The following TMEM132D variants were observed in gnomAD, a reference collection of about 807,000 sequenced individuals.
The protein encoded by TMEM132D is transmembrane protein 132D, also known as mature OL transmembrane protein.
Under a neutral mutation model 62.3 loss-of-function variants are expected in TMEM132D, and 21 were observed. The ratio of observed to expected loss-of-function variants is 0.34; its 90% confidence interval spans 0.24 to 0.49. The LOEUF is 0.49. Among genes scored for constraint, TMEM132D ranks in the 20% least tolerant of loss-of-function variants. TMEM132D has a pLI of 0.99. For missense variants in TMEM132D, 1,346 were observed against 1,402.8 expected (o/e 0.96, Z 0.65); for synonymous variants, 621 against 575.6 (o/e 1.08, Z -1.13).
At chr12:129,622,490 G>T (rs531305995) in intron 2 of TMEM132D, among the ~76,000 whole-genome samples, 1 of 152,208 alleles carries the variant, frequency 6.6e-6, no homozygotes, top group South Asian at 2.1e-4. Context: ...CCAGCTGACC[G>T]ACTATATCCT....
rs1038675691 is a variant in TMEM132D at position 129,879,850 on chromosome 12, G to C, written c.79+23411C>G. ...AAGAAGACAACCAAGAAAACAAACG[G>C]AACAGAGCATTGAAGACCCTCTGAG... On this transcript the variant is annotated intron_variant, in intron 1 of 8. Coordinates refer to ENST00000422113, the MANE Select transcript of TMEM132D (RefSeq NM_133448.3). Among the ~76,000 whole-genome samples, 8 of 151,982 alleles carry C rather than the reference G, an allele frequency of 5.3e-5. No individual in the cohort carries two copies. In the East Asian group the frequency reaches 1.5e-3, roughly 29 times the overall value.
At chr12:129,244,385 C>CAAAAAAAAAAAAAA (rs751155633) in intron 4 of TMEM132D, among the ~76,000 whole-genome samples, 3 of 85,234 alleles carry the variant, frequency 3.5e-5, no homozygotes, top group Non-Finnish European at 4.9e-5. Context: ...GACTCTGTCT[C>CAAAAAAAAAAAAAA]AAAAAAAAAA....
At position 129,321,696 on chromosome 12, in the gene TMEM132D, C is replaced by T. The variant is rs186779045; in HGVS notation, c.1299+15938G>A. Reference sequence around the variant, plus strand: ...TTCAGCCTCCCCCGACTAGCTGGGACTACAGGCGCCCGCCACCACGCCCAG... The same window carrying T: ...TTCAGCCTCCCCCGACTAGCTGGGATTACAGGCGCCCGCCACCACGCCCAG... On this transcript the variant is annotated intron_variant, in intron 4 of 8. Coordinates refer to ENST00000422113, the MANE Select transcript of TMEM132D (RefSeq NM_133448.3). 3.2e-3 allele frequency among the ~76,000 whole-genome samples: 482 copies of T among 152,252 alleles called. 3 individuals carry two copies. Among genetic ancestry groups the T allele is most frequent in the African/African-American group, 0.011 (443 of 41,540 alleles).
chr12:129,737,677 T>C (rs1246784551), intron 1 of TMEM132D, among the ~76,000 whole-genome samples: 1 of 152,204 alleles, frequency 6.6e-6, no homozygotes, highest in Non-Finnish European at 1.5e-5. Flanking sequence ...CTGGCCCCTA[T>C]AAAATTTGAA....
At chr12:129,444,617 A>G (rs10773660) in intron 3 of TMEM132D, among the ~76,000 whole-genome samples, 62,214 of 151,638 alleles carry the variant, frequency 0.41, 14,920 homozygotes, top group East Asian at 0.79. Context: ...CCCCCTCCCC[A>G]CCCTCCTCTG....
At chr12:129,417,337 G>A (rs1593371488) in intron 3 of TMEM132D, among the ~76,000 whole-genome samples, 1 of 152,116 alleles carries the variant, frequency 6.6e-6, no homozygotes, top group Non-Finnish European at 1.5e-5. Flanking sequence ...GGATGATACT[G>A]GTACCAAAAC....
At chr12:129,260,048 C>T (rs1880512897) in intron 4 of TMEM132D, among the ~76,000 whole-genome samples, 1 of 152,086 alleles carries the variant, frequency 6.6e-6, no homozygotes, top group South Asian at 2.1e-4. Flanking sequence ...GTCTGAAAGT[C>T]ATGGGAAAGT....
chr12:129,677,293 C>A (rs1046589442), intron 2 of TMEM132D, among the ~76,000 whole-genome samples: 20 of 152,250 alleles, frequency 1.3e-4, no homozygotes, highest in African/African-American at 4.6e-4. Context: ...CGAGGAGTTT[C>A]CCTCCACAAG....
intron 1 of TMEM132D, among the ~76,000 whole-genome samples, chr12:129,768,044 C>T (rs951000790): frequency 5.3e-5 from 8 of 152,134 alleles, no homozygotes; most frequent in African/African-American, 1.9e-4. Flanking sequence ...ATGGGAAAGA[C>T]CCATCACCAT....
chr12:129,170,328 G>C (rs1877686015), intron 5 of TMEM132D: 1 of 152,196 alleles, frequency 6.6e-6, no homozygotes, highest in Admixed American at 6.5e-5. Context: ...AATAAGCCCT[G>C]AAAATATTTG....
At chr12:129,431,105 C>G (rs920762779) in intron 3 of TMEM132D, among the ~76,000 whole-genome samples, 12 of 152,206 alleles carry the variant, frequency 7.9e-5, no homozygotes, top group African/African-American at 2.9e-4. Context: ...GCGGCTGCTA[C>G]GCATTGTTAT....
At chr12:129,245,901 C>A (rs1880089972) in intron 4 of TMEM132D, among the ~76,000 whole-genome samples, 1 of 152,158 alleles carries the variant, frequency 6.6e-6, no homozygotes, top group African/African-American at 2.4e-5. Context: ...TGTAAAAATA[C>A]ACAATTCTGG....
intron 1 of TMEM132D, among the ~76,000 whole-genome samples, chr12:129,897,256 T>C (rs1212318610): frequency 2.0e-5 from 3 of 152,238 alleles, no homozygotes; most frequent in Non-Finnish European, 4.4e-5. Flanking sequence ...GTGTGCTGTC[T>C]GGCGTCAAAC....
chr12:129,833,989 C>T (rs1051131178), intron 1 of TMEM132D, among the ~76,000 whole-genome samples: 8 of 152,156 alleles, frequency 5.3e-5, no homozygotes, highest in African/African-American at 1.4e-4. Flanking sequence ...GACACCCAGC[C>T]TGGTTGGGGG....
intron 2 of TMEM132D, among the ~76,000 whole-genome samples, chr12:129,645,393 T>G (rs1157517432): frequency 6.6e-6 from 1 of 152,152 alleles, no homozygotes. Context: ...TATAGAAGCT[T>G]CTATAACTTA....
chr12:129,463,836 G>A (rs1004556552), intron 3 of TMEM132D, among the ~76,000 whole-genome samples: 1 of 151,752 alleles, frequency 6.6e-6, no homozygotes. Flanking sequence ...AGTATTCCAT[G>A]GTGTATATGT....
chr12:129,404,124 T>TA (rs1871701218), intron 3 of TMEM132D, among the ~76,000 whole-genome samples: 1 of 152,158 alleles, frequency 6.6e-6, no homozygotes, highest in African/African-American at 2.4e-5. Context: ...CTTTCTTTTT[T>TA]AAAAAGAAAA....
At chr12:129,368,456 T>G (rs911199925) in intron 3 of TMEM132D, among the ~76,000 whole-genome samples, 1 of 152,242 alleles carries the variant, frequency 6.6e-6, no homozygotes, top group East Asian at 1.9e-4. Flanking sequence ...TTTAAATACC[T>G]ATTTGCATAT....
At chr12:129,286,662 G>C (rs1184942007) in intron 4 of TMEM132D, among the ~76,000 whole-genome samples, 3 of 152,174 alleles carry the variant, frequency 2.0e-5, no homozygotes, top group African/African-American at 7.2e-5. Context: ...TGTGAGCAAG[G>C]CTTGACCCAT....
Sources: allele counts gnomAD v4.1 joint callset (sites outside exome capture counted in the v4.1 genomes callset), GRCh38; gene constraint gnomAD v4.1.1; transcripts MANE v1.5; gene names NCBI Gene and HGNC (gene_info 2026-07-23, HGNC 2026-07-21).